The following MAP3K19 variants were observed in gnomAD, a reference collection of about 807,000 sequenced individuals.
MAP3K19 encodes the protein mitogen-activated protein kinase kinase kinase 19.
In MAP3K19, 91 loss-of-function variants were observed where a neutral mutation model predicts 114.4. That is an observed-to-expected ratio of 0.80 (90% CI 0.67 to 0.95). The LOEUF (loss-of-function observed/expected upper bound fraction) is 0.95. MAP3K19 is among the 40% of genes least tolerant of loss of function. The probability of loss-of-function intolerance (pLI) is 0.00; values close to 1 mark genes in which losing one functional copy is unlikely to be tolerated. For synonymous variants in MAP3K19, 518 were observed against 530.5 expected, an observed-to-expected ratio of 0.98 and a Z score of 0.32; for missense variants, 1,471 against 1,573.2, an observed-to-expected ratio of 0.94 and a Z score of 1.10.
At chr2:135,003,958 C>T (rs941288982) in intron 6 of MAP3K19, among the ~76,000 whole-genome samples, 1 of 152,218 alleles carries the variant, frequency 6.6e-6, no homozygotes, top group African/African-American at 2.4e-5. Context: ...GCTAGCTCAA[C>T]TGAAGTCTCT....
chr2:135,040,714 G>A (rs536121834), intron 1 of MAP3K19, among the ~76,000 whole-genome samples: 3 of 152,254 alleles, frequency 2.0e-5, no homozygotes, highest in East Asian at 1.9e-4. Context: ...GGGAAATGCC[G>A]CAATACCACC....
intron 2 of MAP3K19, among the ~76,000 whole-genome samples, chr2:135,036,033 C>T (rs1424811554): frequency 6.6e-6 from 1 of 152,058 alleles, no homozygotes; most frequent in Non-Finnish European, 1.5e-5. Context: ...GGGGTTTCTC[C>T]ATGTTGGTCA....
intron 1 of MAP3K19, among the ~76,000 whole-genome samples, chr2:135,041,235 G>A (rs763407343): frequency 1.8e-4 from 27 of 151,906 alleles, no homozygotes; most frequent in Admixed American, 2.6e-4. Flanking sequence ...TGGATTTTCC[G>A]GAAAGCCCTA....
At chr2:135,020,800 C>T (rs1687917586) in intron 5 of MAP3K19, among the ~76,000 whole-genome samples, 1 of 152,274 alleles carries the variant, frequency 6.6e-6, no homozygotes, top group Non-Finnish European at 1.5e-5. Flanking sequence ...CTCCTACCAC[C>T]TTGTGAAGAT....
intron 1 of MAP3K19, among the ~76,000 whole-genome samples, chr2:135,041,242 C>G (rs1688640212): frequency 6.6e-6 from 1 of 151,968 alleles, no homozygotes; most frequent in African/African-American, 2.4e-5. Flanking sequence ...TCCGGAAAGC[C>G]CTAATTTTAA....
At chr2:134,971,922 T>C (rs1237844668) in intron 12 of MAP3K19, among the ~76,000 whole-genome samples, 1 of 151,926 alleles carries the variant, frequency 6.6e-6, no homozygotes, top group Non-Finnish European at 1.5e-5. Context: ...CTCTGACCTT[T>C]ATTACTTTTC....
At chr2:135,000,429 A>T (rs1232890196) in intron 6 of MAP3K19, among the ~76,000 whole-genome samples, 3 of 152,240 alleles carry the variant, frequency 2.0e-5, no homozygotes, top group East Asian at 3.8e-4. Context: ...CATTTCATGA[A>T]CTAATTTCCA....
At chr2:135,006,311 G>A (rs539137526) in intron 5 of MAP3K19, among the ~76,000 whole-genome samples, 1 of 152,262 alleles carries the variant, frequency 6.6e-6, no homozygotes, top group South Asian at 2.1e-4. Context: ...ACAACTATCT[G>A]TCTGGTTTCT....
At chr2:135,045,198 C>T (rs556910326) in intron 1 of MAP3K19, among the ~76,000 whole-genome samples, 2 of 152,272 alleles carry the variant, frequency 1.3e-5, no homozygotes, top group African/African-American at 4.8e-5. Context: ...ACCAGTAATG[C>T]CTAACAGTTT....
intron 12 of MAP3K19, among the ~76,000 whole-genome samples, chr2:134,972,050 AT>A (rs988496372): frequency 6.6e-6 from 1 of 152,154 alleles, no homozygotes; most frequent in Admixed American, 6.5e-5. Context: ...ATCATGGAGA[AT>A]GGGGTATCCA....
chr2:135,009,934 C>G (rs1687103430), intron 5 of MAP3K19, among the ~76,000 whole-genome samples: 1 of 152,072 alleles, frequency 6.6e-6, no homozygotes, highest in African/African-American at 2.4e-5. Context: ...CTATTATCTT[C>G]ATTTTGTACC....
intron 10 of MAP3K19, among the ~76,000 whole-genome samples, chr2:134,984,146 T>C (rs1371944650): frequency 6.6e-6 from 1 of 152,124 alleles, no homozygotes; most frequent in Non-Finnish European, 1.5e-5. Context: ...TTTCACAAGG[T>C]CCCTATCATG....
chr2:134,988,277 G>A (rs1471998501), intron 9 of MAP3K19, 24 bp from the exon 10 acceptor site: 1 of 1,518,320 alleles, frequency 6.6e-7, no homozygotes, highest in Non-Finnish European at 8.8e-7. Flanking sequence ...AGAAAAAGCT[G>A]TGAATGCAGA....
chr2:135,015,785 C>A (rs1031532741), intron 5 of MAP3K19, among the ~76,000 whole-genome samples: 2 of 151,676 alleles, frequency 1.3e-5, no homozygotes, highest in African/African-American at 4.8e-5. Flanking sequence ...CCCAGCAACT[C>A]GGGAGGCGGA....
At position 135,021,701 on chromosome 2, in the gene MAP3K19, AG is replaced by A; in HGVS notation, c.138+13del. ...AGTAGGCTGTCCGTTGTTTCTTTAA[AG>A]GGAGGCTCTTACCTCACTTCTGCTG... On this transcript the variant is annotated intron_variant, in intron 5 of 12. Transcript: ENST00000392915. 6.6e-7 allele frequency: 1 copy of A among 1,511,980 alleles called. No homozygotes were observed. The highest frequency in any genetic ancestry group is 2.3e-5 in the East Asian group (1 of 44,006). The allele number at this position is 1,511,980 out of a possible 1,614,324, so 93.7% of individuals were successfully genotyped here.
chr2:135,009,251 C>A (rs1333467832), intron 5 of MAP3K19, among the ~76,000 whole-genome samples: 1 of 151,958 alleles, frequency 6.6e-6, no homozygotes, highest in Non-Finnish European at 1.5e-5. Context: ...AGGCACCTGC[C>A]ACCACGTCTG....
intron 8 of MAP3K19, among the ~76,000 whole-genome samples, chr2:134,998,032 C>T (rs1234660056): frequency 6.6e-6 from 1 of 151,928 alleles, no homozygotes; most frequent in Non-Finnish European, 1.5e-5. Context: ...TGGTTGAGGA[C>T]AGTGGTAAAC....
chr2:134,985,742 C>A lies in MAP3K19; in HGVS notation c.3072+58G>T, dbSNP rs979824702. 510 of 1,414,180 alleles carry A rather than the reference C, an allele frequency of 3.6e-4. 6 individuals are homozygous for A. Among genetic ancestry groups the A allele is most frequent in the Non-Finnish European group, 9.8e-5 (102 of 1,042,296 alleles). 87.6% of individuals were successfully genotyped at this position (1,414,180 alleles called of 1,614,324 possible). On this transcript the variant is annotated intron_variant, in intron 10 of 12. Transcript: ENST00000392915. ...TCATTTGAAAATAAGGGGTTTGAACCAGATTGTCTCTGAGGTCCTTCCCAC... is the reference window on the plus strand; with the variant it reads ...TCATTTGAAAATAAGGGGTTTGAACAAGATTGTCTCTGAGGTCCTTCCCAC...
rs1482745366 is a variant in MAP3K19 at position 134,999,973 on chromosome 2, G to A, written c.278C>T (p.Pro93Leu). ...TVTFPRDVSPPQEMSQEDLKE... is the reference protein window; with the variant it reads ...TVTFPRDVSPLQEMSQEDLKE... ...TAAGTCTTCTTGGCTCATTTCTTGG[G>A]GAGGACTGACATCTCTTGGAAAAGT... Residue 93 changes from proline to leucine, a missense_variant, in exon 7 of 13, where the codon CCC becomes CTC. Pro to Leu is a moderately conservative substitution (Grantham distance 98). Transcript: ENST00000392915. The surrounding 1 kb of genome is among the most constrained non-coding windows in gnomAD (Gnocchi z 4.1). 6.2e-7 allele frequency: 1 copy of A among 1,611,736 alleles called. No individual in the cohort carries two copies. The highest frequency in any genetic ancestry group is 1.3e-5 in the African/African-American group (1 of 74,942).
Sources: gnomAD v4.1 joint callset for allele counts (sites outside exome capture counted in the v4.1 genomes callset) on GRCh38, gnomAD v4.1.1 for gene constraint, Gnocchi (gnomAD v3.1) non-coding constraint, MANE v1.5 for transcripts, NCBI Gene and HGNC (gene_info 2026-07-23, HGNC 2026-07-21) for gene names.